Variants in TRPM3 observed in about 807,000 individuals in gnomAD.
TRPM3 encodes the protein transient receptor potential cation channel subfamily M member 3, also known as long transient receptor potential channel 3.
In TRPM3, 77 loss-of-function variants were observed where a neutral mutation model predicts 181.2. That is an observed-to-expected ratio of 0.42 (90% CI 0.35 to 0.51). TRPM3 has a LOEUF of 0.51. Among genes scored for constraint, TRPM3 ranks in the 20% least tolerant of loss-of-function variants. The pLI is 0.01. For synonymous variants in TRPM3, 745 were observed against 796.4 expected (o/e 0.94, Z 1.09); for missense variants, 1,759 against 2,196.7 (o/e 0.80, Z 3.98).
intron 1 of TRPM3, among the ~76,000 whole-genome samples, chr9:70,919,189 TAAGAA>T (rs953540225): frequency 6.6e-6 from 1 of 152,308 alleles, no homozygotes; most frequent in African/African-American, 2.4e-5. Flanking sequence ...GTTGATTTGT[TAAGAA>T]ACAAAGTCCC....
chr9:71,350,800 G>A (rs1211584033), intron 1 of TRPM3, among the ~76,000 whole-genome samples: 1 of 152,038 alleles, frequency 6.6e-6, no homozygotes, highest in Non-Finnish European at 1.5e-5. Flanking sequence ...AATTTAATAA[G>A]CTTTATCTTT....
intron 12 of TRPM3, among the ~76,000 whole-genome samples, chr9:70,631,361 CT>C (rs11285828): frequency 0.24 from 32,334 of 136,626 alleles, 2,766 homozygotes; most frequent in East Asian, 0.36. Context: ...TCTGAAATGC[CT>C]TTTTTTTTTT....
chr9:70,688,296 A>AT (rs1488897988), intron 8 of TRPM3, among the ~76,000 whole-genome samples: 1 of 2,262 alleles, frequency 4.4e-4, no homozygotes, highest in African/African-American at 1.5e-3. Context: ...CCAAAACTTT[A>AT]AAAAAATTAT....
At chr9:70,829,564 C>T (rs1263088812) in intron 5 of TRPM3, among the ~76,000 whole-genome samples, 1 of 152,084 alleles carries the variant, frequency 6.6e-6, no homozygotes, top group Non-Finnish European at 1.5e-5. Context: ...GTTAATGTAG[C>T]ATTAATTTAA....
At chr9:71,314,571 CA>C (rs2088359980) in intron 1 of TRPM3, among the ~76,000 whole-genome samples, 1 of 152,070 alleles carries the variant, frequency 6.6e-6, no homozygotes, top group South Asian at 2.1e-4. Context: ...GTTGACAAGA[CA>C]GGGAGAATTT....
chr9:70,569,888 A>G (rs2051724966), intron 22 of TRPM3, among the ~76,000 whole-genome samples: 1 of 152,126 alleles, frequency 6.6e-6, no homozygotes, highest in East Asian at 1.9e-4. Flanking sequence ...ATTTAAAAAT[A>G]TATTTTTTTC....
chr9:70,821,838 T>A (rs1402743134), intron 6 of TRPM3, among the ~76,000 whole-genome samples: 1 of 152,196 alleles, frequency 6.6e-6, no homozygotes, highest in African/African-American at 2.4e-5. Flanking sequence ...CCAGGTAAAA[T>A]CCCAGATTGA....
At chr9:70,963,455 C>T (rs1285842689) in intron 1 of TRPM3, among the ~76,000 whole-genome samples, 1 of 152,016 alleles carries the variant, frequency 6.6e-6, no homozygotes, top group East Asian at 1.9e-4. Context: ...AAGAGAGTGG[C>T]TAATCTGGAG....
intron 1 of TRPM3, among the ~76,000 whole-genome samples, chr9:70,966,878 A>G (rs1157244540): frequency 2.0e-5 from 3 of 152,104 alleles, no homozygotes; most frequent in African/African-American, 7.2e-5. Context: ...GTATCCCTGA[A>G]CTTCAAATAA....
chr9:70,793,952 C>A (rs1183733206), intron 6 of TRPM3, among the ~76,000 whole-genome samples: 1 of 152,098 alleles, frequency 6.6e-6, no homozygotes, highest in African/African-American at 2.4e-5. Flanking sequence ...GTAAGCTAGG[C>A]TGTGCTACGA....
chr9:71,408,631 G>A (rs960776883), intron 1 of TRPM3, among the ~76,000 whole-genome samples: 4 of 152,206 alleles, frequency 2.6e-5, no homozygotes, highest in Admixed American at 6.5e-5. Flanking sequence ...CGTTTGATTG[G>A]TGTACCTGAA....
intron 1 of TRPM3, among the ~76,000 whole-genome samples, chr9:71,291,917 A>T (rs934728122): frequency 1.3e-5 from 2 of 152,100 alleles, no homozygotes; most frequent in African/African-American, 4.8e-5. Flanking sequence ...ATTGCAAATT[A>T]GAACATAAAG....
rs1182717772 is a variant in TRPM3, at chr9:71,232,868, C to G, written c.183+213785G>C. Among the ~76,000 whole-genome samples, 4 of 152,148 alleles carry G rather than the reference C, an allele frequency of 2.6e-5. No homozygotes were observed. The South Asian group carries it at 8.3e-4, about 32-fold the overall frequency. ...CTTAAGTTTCTATCTCTTCTCCATACACCCTGCTGCCTTCTGCACTGGTGC... is the reference window on the plus strand; with the variant it reads ...CTTAAGTTTCTATCTCTTCTCCATAGACCCTGCTGCCTTCTGCACTGGTGC... On this transcript the variant is annotated intron_variant, in intron 1 of 24. Coordinates refer to the TRPM3 transcript ENST00000357533.
At chr9:70,545,783 G>A (rs1336885887) in intron 25 of TRPM3, among the ~76,000 whole-genome samples, 1 of 152,052 alleles carries the variant, frequency 6.6e-6, no homozygotes, top group East Asian at 1.9e-4. Flanking sequence ...CCTGAACTCA[G>A]GTAATCTGCC....
chr9:71,304,246 G>C lies in TRPM3; in HGVS notation c.183+142407C>G, dbSNP rs187070677. Among the ~76,000 whole-genome samples, 659 of 152,260 alleles carry C rather than the reference G, an allele frequency of 4.3e-3. 4 individuals carry two copies. Among genetic ancestry groups the C allele is most frequent in the Non-Finnish European group, 7.2e-3 (488 of 68,020 alleles). ...ATGCTGAATTAACATACCAAGTTAA[G>C]GATAGAGTTCTTCAGGTCTGGTTTT... On this transcript the variant is annotated intron_variant, in intron 1 of 24. Transcript: ENST00000357533.
chr9:70,904,427 A>C (rs1019941272), intron 1 of TRPM3, among the ~76,000 whole-genome samples: 1 of 152,208 alleles, frequency 6.6e-6, no homozygotes, highest in African/African-American at 2.4e-5. Flanking sequence ...CACTGCCTGC[A>C]CCAATAAGTA....
At chr9:71,288,649 T>G (rs1192422587) in intron 1 of TRPM3, among the ~76,000 whole-genome samples, 2 of 152,072 alleles carry the variant, frequency 1.3e-5, no homozygotes, top group Non-Finnish European at 2.9e-5. Context: ...GAGAATTCCT[T>G]GGAGGCCAGA....
intron 1 of TRPM3, among the ~76,000 whole-genome samples, chr9:70,879,337 A>T (rs2095937752): frequency 6.6e-6 from 1 of 152,068 alleles, no homozygotes; most frequent in Admixed American, 6.6e-5. Flanking sequence ...CATTTAATTA[A>T]ATTTGTGTCC....
chr9:70,615,273 T>C (rs968381642), intron 18 of TRPM3, among the ~76,000 whole-genome samples: 19 of 152,196 alleles, frequency 1.2e-4, no homozygotes, highest in African/African-American at 4.6e-4. Flanking sequence ...TTTGTCCCTT[T>C]AACAGAATGT....
Sources: allele counts gnomAD v4.1 joint callset (sites outside exome capture counted in the v4.1 genomes callset), GRCh38; gene constraint gnomAD v4.1.1; transcripts MANE v1.5; gene names NCBI Gene and HGNC (gene_info 2026-07-23, HGNC 2026-07-21).